The following CNTN5 variants were observed in gnomAD, a reference collection of about 807,000 sequenced individuals.
CNTN5 encodes contactin-5.
In CNTN5, 77 loss-of-function variants were observed where a neutral mutation model predicts 129.1. The ratio of observed to expected loss-of-function variants is 0.60; its 90% CI spans 0.50 to 0.72. The LOEUF is 0.72. CNTN5 is among the 30% of genes least tolerant of loss of function. The pLI, the probability that CNTN5 is intolerant of heterozygous loss-of-function variation, is 0.00. For missense variants in CNTN5, 1,478 were observed against 1,328.8 expected (o/e 1.11, Z -1.75); for synonymous variants, 509 against 465.6 (o/e 1.09, Z -1.20).
chr11:99,464,430 TATTC>T (rs1322885208), intron 2 of CNTN5, among the ~76,000 whole-genome samples: 2 of 152,170 alleles, frequency 1.3e-5, no homozygotes, highest in Non-Finnish European at 2.9e-5. Context: ...AGTTTGAAGG[TATTC>T]AGTATGAACA....
At position 99,341,082 on chromosome 11, in the gene CNTN5, C is replaced by A. The variant is rs993587182; in HGVS notation, c.-71+15598C>A. On this transcript the variant is annotated intron_variant, in intron 2 of 24. Transcript: ENST00000524871. The stretch of plus-strand genomic sequence containing the variant: ...TTTATTATTATGTTTGCATCTCATA[C>A]CTTTTGTAAATTAGATAAAAGCCTA... 2.6e-5 allele frequency among the ~76,000 whole-genome samples: 4 copies of A among 152,158 alleles called. No individual in the cohort carries two copies. The South Asian group carries it at 8.3e-4, about 31-fold the overall frequency.
intron 2 of CNTN5, among the ~76,000 whole-genome samples, chr11:99,553,983 C>CACAT (rs1565289179): frequency 6.7e-6 from 1 of 148,930 alleles, no homozygotes; most frequent in African/African-American, 2.5e-5. Flanking sequence ...CACACACACA[C>CACAT]ACACACACAC....
chr11:99,945,767 G>T (rs1445656114), intron 7 of CNTN5, among the ~76,000 whole-genome samples: 1 of 151,900 alleles, frequency 6.6e-6, no homozygotes, highest in Non-Finnish European at 1.5e-5. Flanking sequence ...TTTCTATGGT[G>T]CCACATTACC....
In CNTN5 at chr11:99,853,276, C is replaced by T. The variant is rs540365246; in HGVS notation, c.577+8014C>T. On this transcript the variant is annotated intron_variant, in intron 6 of 24. Transcript: ENST00000524871. ...AAATGTTGCTATGTTTCATGTGTAA[C>T]GAATAGATAGACGGATAATTGATAC... Among the ~76,000 whole-genome samples the T allele has an allele frequency of 6.2e-4, 94 of 151,720 alleles. 1 individual carries two copies. Among genetic ancestry groups the T allele is most frequent in the African/African-American group, 1.8e-3 (75 of 41,352 alleles).
chr11:100,214,777 A>G (rs1949105821), intron 15 of CNTN5, among the ~76,000 whole-genome samples: 1 of 152,144 alleles, frequency 6.6e-6, no homozygotes, highest in African/African-American at 2.4e-5. Context: ...ACATTATTTT[A>G]TGGTTATTCT....
chr11:99,448,050 A>G (rs1327821231), intron 2 of CNTN5, among the ~76,000 whole-genome samples: 1 of 152,160 alleles, frequency 6.6e-6, no homozygotes, highest in African/African-American at 2.4e-5. Flanking sequence ...TTATAATTAC[A>G]TTATACATTT....
chr11:99,435,719 T>C (rs1473016272), intron 2 of CNTN5, among the ~76,000 whole-genome samples: 1 of 152,186 alleles, frequency 6.6e-6, no homozygotes, highest in Admixed American at 6.5e-5. Context: ...TTGGGACTAG[T>C]TCTGTCTATA....
chr11:99,385,785 T>C (rs1940889700), intron 2 of CNTN5, among the ~76,000 whole-genome samples: 1 of 152,152 alleles, frequency 6.6e-6, no homozygotes, highest in Non-Finnish European at 1.5e-5. Context: ...GATCCCATTT[T>C]CCCATCTTTC....
In CNTN5 at chr11:100,104,885, A is replaced by G. The variant is rs566634785; in HGVS notation, c.1580+30591A>G. Among the ~76,000 whole-genome samples the G allele has an allele frequency of 3.9e-5, 6 of 152,220 alleles. No individual in the cohort carries two copies. In the South Asian group the frequency reaches 1.2e-3, roughly 32 times the overall value. ...TATGTTCCTCTCCCCTTTTTGTACT[A>G]TGCAAGTATTTTTCACAAATTTTGC... On this transcript the variant is annotated intron_variant, in intron 13 of 24. Coordinates refer to ENST00000524871, the MANE Select transcript of CNTN5 (RefSeq NM_014361.4).
intron 9 of CNTN5, among the ~76,000 whole-genome samples, chr11:100,016,722 T>C (rs1940839624): frequency 6.6e-6 from 1 of 152,032 alleles, no homozygotes; most frequent in African/African-American, 2.4e-5. Flanking sequence ...TGTTTATGTA[T>C]GCACATGTGT....
intron 13 of CNTN5, among the ~76,000 whole-genome samples, chr11:100,142,906 T>G (rs1946738918): frequency 6.6e-6 from 1 of 152,138 alleles, no homozygotes; most frequent in Non-Finnish European, 1.5e-5. Flanking sequence ...AAATGACACC[T>G]TTGCTTTCTG....
At chr11:99,052,479 G>A (rs1224305141) in intron 1 of CNTN5, among the ~76,000 whole-genome samples, 1 of 151,810 alleles carries the variant, frequency 6.6e-6, no homozygotes, top group Non-Finnish European at 1.5e-5. Context: ...GTTCAGTTTT[G>A]TGGCCCAGGA....
intron 3 of CNTN5, among the ~76,000 whole-genome samples, chr11:99,712,102 T>C (rs978454192): frequency 3.0e-4 from 46 of 152,224 alleles, no homozygotes; most frequent in African/African-American, 1.1e-3. Flanking sequence ...CCACCAACAG[T>C]GTAAAGCGTT....
At chr11:99,592,408 G>T (rs1270723877) in intron 3 of CNTN5, among the ~76,000 whole-genome samples, 2 of 152,162 alleles carry the variant, frequency 1.3e-5, no homozygotes, top group Non-Finnish European at 2.9e-5. Flanking sequence ...ATAAGTCAGA[G>T]AAACCAAGTT....
chr11:99,470,709 T>C (rs188328587), intron 2 of CNTN5, among the ~76,000 whole-genome samples: 2 of 152,266 alleles, frequency 1.3e-5, no homozygotes, highest in East Asian at 3.9e-4. Context: ...ATGTTCCAAT[T>C]ATGAACATTA....
intron 3 of CNTN5, among the ~76,000 whole-genome samples, chr11:99,569,590 G>T (rs928450379): frequency 1.3e-5 from 2 of 152,234 alleles, no homozygotes; most frequent in South Asian, 2.1e-4. Flanking sequence ...GGGATTACAG[G>T]CTTGAGCCAC....
intron 1 of CNTN5, among the ~76,000 whole-genome samples, chr11:99,236,959 T>C (rs1277677233): frequency 1.3e-5 from 2 of 152,130 alleles, no homozygotes; most frequent in Admixed American, 6.5e-5. Context: ...TTTATATGTT[T>C]ATTGAGTTTG....
chr11:99,945,185 C>G (rs7107215), intron 7 of CNTN5, among the ~76,000 whole-genome samples: 3 of 151,906 alleles, frequency 2.0e-5, no homozygotes, highest in African/African-American at 4.8e-5. Context: ...GTTAGTAGGC[C>G]TGTGACCTGT....
intron 3 of CNTN5, among the ~76,000 whole-genome samples, chr11:99,712,307 C>G (rs1159155624): frequency 6.6e-6 from 1 of 152,088 alleles, no homozygotes; most frequent in South Asian, 2.1e-4. Flanking sequence ...ACATCCTTTG[C>G]CCACTTTTTG....
Sources: gnomAD v4.1 joint callset for allele counts (sites outside exome capture counted in the v4.1 genomes callset) on GRCh38, gnomAD v4.1.1 for gene constraint, MANE v1.5 for transcripts, NCBI Gene and HGNC (gene_info 2026-07-23, HGNC 2026-07-21) for gene names.